Variants in DPF3 observed in about 807,000 individuals in gnomAD.
The protein encoded by DPF3 is zinc finger protein DPF3.
Under a neutral mutation model 56.8 loss-of-function variants are expected in DPF3, and 18 were observed. The ratio of observed to expected loss-of-function variants is 0.32; its 90% CI spans 0.22 to 0.47. The LOEUF (loss-of-function observed/expected upper bound fraction) is 0.47. Among genes scored for constraint, DPF3 ranks in the 20% least tolerant of loss-of-function variants. DPF3 has a pLI of 1.00. For synonymous variants in DPF3, 188 were observed against 180.2 expected, an observed-to-expected ratio of 1.04 and a Z score of -0.35; for missense variants, 403 against 488.8, an observed-to-expected ratio of 0.82 and a Z score of 1.65.
At chr14:72,830,551 C>T (rs897039052) in intron 1 of DPF3, among the ~76,000 whole-genome samples, 2 of 148,714 alleles carry the variant, frequency 1.3e-5, no homozygotes, top group African/African-American at 5.0e-5. Context: ...CTTTCCTCCC[C>T]TGCACAGCGA....
intron 8 of DPF3, among the ~76,000 whole-genome samples, chr14:72,665,001 T>C (rs1886386887): frequency 6.6e-6 from 1 of 152,228 alleles, no homozygotes; most frequent in East Asian, 1.9e-4. Flanking sequence ...TGGGTTAGGT[T>C]GTGATTCCCA....
At chr14:72,758,812 A>C (rs1385423023) in intron 2 of DPF3, among the ~76,000 whole-genome samples, 2 of 152,224 alleles carry the variant, frequency 1.3e-5, no homozygotes, top group Non-Finnish European at 2.9e-5. Flanking sequence ...ACAAGAAAAC[A>C]TCAAACTGTT....
chr14:72,705,320 T>A (rs148776056), intron 6 of DPF3, among the ~76,000 whole-genome samples: 1,642 of 150,162 alleles, frequency 0.011, 10 homozygotes, highest in South Asian at 0.026. Flanking sequence ...TCTGTCACTG[T>A]CTCCCATCAC....
intron 6 of DPF3, among the ~76,000 whole-genome samples, chr14:72,698,383 T>C (rs1034039915): frequency 2.0e-5 from 3 of 152,232 alleles, no homozygotes; most frequent in African/African-American, 7.2e-5. Context: ...ATGTATATTT[T>C]CAAAGTAGGC....
chr14:72,767,674 T>C (rs750423485), intron 2 of DPF3, among the ~76,000 whole-genome samples: 47 of 150,686 alleles, frequency 3.1e-4, no homozygotes, highest in Admixed American at 2.0e-4. Flanking sequence ...ACATTTGTGT[T>C]GTTGAAGTCC....
chr14:72,728,322 G>A (rs776000932), intron 4 of DPF3, among the ~76,000 whole-genome samples: 1 of 152,144 alleles, frequency 6.6e-6, no homozygotes, highest in African/African-American at 2.4e-5. Flanking sequence ...GGGGAAGGTG[G>A]CACTGGGGTT....
intron 8 of DPF3, chr14:72,662,256 G>A (rs1301235200): frequency 1.0e-6 from 1 of 985,214 alleles, no homozygotes; most frequent in African/African-American, 1.7e-5. Context: ...AGAGAGCAGA[G>A]TTGATCTTTA....
chr14:72,640,670 C>T (rs978714236), intron 8 of DPF3, among the ~76,000 whole-genome samples: 1 of 152,124 alleles, frequency 6.6e-6, no homozygotes, highest in African/African-American at 2.4e-5. Context: ...CTAGGTTGGG[C>T]CACAGAGTAG....
At chr14:72,701,374 C>T (rs191188027) in intron 6 of DPF3, among the ~76,000 whole-genome samples, 4 of 152,340 alleles carry the variant, frequency 2.6e-5, no homozygotes, top group African/African-American at 9.6e-5. Context: ...CCCCCTGGGG[C>T]GGATCCATCT....
At chr14:72,879,342 A>G (rs1234168339) in intron 1 of DPF3, among the ~76,000 whole-genome samples, 1 of 151,122 alleles carries the variant, frequency 6.6e-6, no homozygotes, top group Admixed American at 6.6e-5. Flanking sequence ...GCACCACTGC[A>G]CTCCAGCCTG....
intron 8 of DPF3, 64 bp from the exon 9 acceptor site, chr14:72,629,800 T>G: frequency 7.7e-7 from 1 of 1,294,068 alleles, no homozygotes. Flanking sequence ...TCAACACCAC[T>G]CACTGGAAAC....
At chr14:72,860,643 CA>C (rs33963010) in intron 1 of DPF3, among the ~76,000 whole-genome samples, 121,523 of 151,764 alleles carry the variant, frequency 0.8, 49,246 homozygotes, top group African/African-American at 0.92. Context: ...TGGCTCACCA[CA>C]AACCTCCACC....
At chr14:72,648,419 G>A (rs1346168939) in intron 8 of DPF3, among the ~76,000 whole-genome samples, 1 of 151,964 alleles carries the variant, frequency 6.6e-6, no homozygotes, top group African/African-American at 2.4e-5. Context: ...AAATTAGCCA[G>A]GTGTGGTTGT....
intron 1 of DPF3, among the ~76,000 whole-genome samples, chr14:72,777,234 C>T (rs928770536): frequency 2.7e-5 from 4 of 150,230 alleles, no homozygotes; most frequent in African/African-American, 9.9e-5. Flanking sequence ...CACACGAAAG[C>T]TCATCTACAC....
Position 72,712,846 on chromosome 14 carries a change from G to A in DPF3, c.604+1577C>T, listed in dbSNP as rs74764591. Among the ~76,000 whole-genome samples, 610 of 152,358 alleles carry A rather than the reference G, an allele frequency of 4.0e-3. 15 individuals carry two copies. In the East Asian group the frequency reaches 0.059, roughly 15 times the overall value. On this transcript the variant is annotated intron_variant, in intron 6 of 10. Coordinates refer to ENST00000556509, the MANE Select transcript of DPF3 (RefSeq NM_001280542.3). ...CCTATGATTGCACCACTGTACTCCAGCCTGGGTGACAACGCAAGAGCGTCT... is the reference window on the plus strand; with the variant it reads ...CCTATGATTGCACCACTGTACTCCAACCTGGGTGACAACGCAAGAGCGTCT...
intron 8 of DPF3, among the ~76,000 whole-genome samples, chr14:72,633,749 A>G (rs1352270656): frequency 2.0e-5 from 3 of 152,176 alleles, no homozygotes; most frequent in South Asian, 2.1e-4. Flanking sequence ...GACAGAACTC[A>G]GCAGCCAAAT....
At chr14:72,699,523 A>G (rs1888068769) in intron 6 of DPF3, among the ~76,000 whole-genome samples, 1 of 151,520 alleles carries the variant, frequency 6.6e-6, no homozygotes, top group African/African-American at 2.4e-5. Context: ...GTCTCAAAAA[A>G]AAAAAAAAAA....
intron 6 of DPF3, among the ~76,000 whole-genome samples, chr14:72,700,539 C>T (rs182065388): frequency 6.0e-4 from 92 of 152,274 alleles, no homozygotes; most frequent in Admixed American, 9.8e-4. Flanking sequence ...GCATAAAATT[C>T]CCTTCTGAGA....
chr14:72,867,675 G>A (rs560163153), intron 1 of DPF3, among the ~76,000 whole-genome samples: 23 of 152,304 alleles, frequency 1.5e-4, no homozygotes, highest in African/African-American at 5.3e-4. Context: ...ATGGATACTT[G>A]GGGGTTCTTT....
Sources: gnomAD v4.1 joint callset for allele counts (sites outside exome capture counted in the v4.1 genomes callset) on GRCh38, gnomAD v4.1.1 for gene constraint, MANE v1.5 for transcripts, NCBI Gene and HGNC (gene_info 2026-07-23, HGNC 2026-07-21) for gene names.